The following SCHIP1 variants were observed in gnomAD, a reference collection of about 807,000 sequenced individuals.
SCHIP1 encodes schwannomin interacting protein 1.
SCHIP1 carries 8 observed loss-of-function variants against 29.7 expected under a neutral mutation model. The ratio of observed to expected loss-of-function variants is 0.27; its 90% CI spans 0.16 to 0.49. SCHIP1 has a LOEUF of 0.49. Ranked by LOEUF, SCHIP1 falls within the 20% of genes least tolerant of loss-of-function variation. The pLI is 0.99. For synonymous variants in SCHIP1, 76 were observed against 94.9 expected, an observed-to-expected ratio of 0.80 and a Z score of 1.16; for missense variants, 193 against 294.6, an observed-to-expected ratio of 0.66 and a Z score of 2.52.
At chr3:159,508,390 A>T in the SCHIP1 span, among the ~76,000 whole-genome samples, 2 of 151,688 alleles carry the variant, frequency 1.3e-5, no homozygotes, top group African/African-American at 4.9e-5. Context: ...GTGGTCTATA[A>T]ATTTTGTTGA....
the SCHIP1 span, among the ~76,000 whole-genome samples, chr3:159,791,727 T>C: frequency 2.0e-5 from 3 of 152,212 alleles, no homozygotes; most frequent in African/African-American, 7.2e-5. Context: ...CCCTCTTCCT[T>C]GTTGGCCTTT....
At chr3:159,686,577 A>G in the SCHIP1 span, among the ~76,000 whole-genome samples, 1 of 152,226 alleles carries the variant, frequency 6.6e-6, no homozygotes, top group Admixed American at 6.5e-5. Flanking sequence ...TGTTTATTAT[A>G]TTGAAAGGAA....
At chr3:159,642,297 G>A in the SCHIP1 span, among the ~76,000 whole-genome samples, 1 of 152,000 alleles carries the variant, frequency 6.6e-6, no homozygotes, top group African/African-American at 2.4e-5. Context: ...CTTGATCTAA[G>A]TATGTATGAC....
the SCHIP1 span, among the ~76,000 whole-genome samples, chr3:159,806,336 GTTC>G: frequency 1.3e-5 from 2 of 152,182 alleles, no homozygotes; most frequent in Admixed American, 6.5e-5. Flanking sequence ...GTTAGAATGG[GTTC>G]TTCTTTGGTC....
At chr3:159,884,252 C>A (rs1716732618) in intron 2 of SCHIP1, among the ~76,000 whole-genome samples, 1 of 151,654 alleles carries the variant, frequency 6.6e-6, no homozygotes, top group South Asian at 2.1e-4. Context: ...TTTTTTTAGA[C>A]CGACAGACAT....
the SCHIP1 span, among the ~76,000 whole-genome samples, chr3:159,359,096 T>G: frequency 6.6e-6 from 1 of 151,648 alleles, no homozygotes; most frequent in Non-Finnish European, 1.5e-5. Context: ...CCCAGCTAAT[T>G]TTTTGTATTT....
chr3:159,608,425 T>G, the SCHIP1 span, among the ~76,000 whole-genome samples: 11 of 152,258 alleles, frequency 7.2e-5, no homozygotes, highest in African/African-American at 2.2e-4. Flanking sequence ...ACTATTACAA[T>G]TTTTGGACTA....
chr3:159,759,541 C>G, the SCHIP1 span, among the ~76,000 whole-genome samples: 3 of 152,202 alleles, frequency 2.0e-5, no homozygotes, highest in African/African-American at 7.2e-5. Flanking sequence ...TTGCCAAACA[C>G]TGTGATCAAG....
At chr3:159,435,726 G>C in the SCHIP1 span, among the ~76,000 whole-genome samples, 1 of 152,128 alleles carries the variant, frequency 6.6e-6, no homozygotes, top group Non-Finnish European at 1.5e-5. Flanking sequence ...TTTGTGTTCA[G>C]TTGTGCTCTT....
chr3:159,359,436 G>A, the SCHIP1 span, among the ~76,000 whole-genome samples: 6 of 151,950 alleles, frequency 3.9e-5, no homozygotes, highest in Admixed American at 3.9e-4. Flanking sequence ...TTGGATTCCT[G>A]AGTCTTTATT....
the SCHIP1 span, among the ~76,000 whole-genome samples, chr3:159,695,881 C>T: frequency 6.6e-6 from 1 of 152,136 alleles, no homozygotes; most frequent in Non-Finnish European, 1.5e-5. Context: ...TAACCTTCCT[C>T]ATCCACTCCT....
chr3:159,325,598 T>A, the SCHIP1 span, among the ~76,000 whole-genome samples: 3 of 152,116 alleles, frequency 2.0e-5, no homozygotes, highest in African/African-American at 7.2e-5. Context: ...GTGTTTGTAA[T>A]AAATACATCA....
At chr3:159,349,295 T>C in the SCHIP1 span, among the ~76,000 whole-genome samples, 2 of 152,226 alleles carry the variant, frequency 1.3e-5, no homozygotes, top group East Asian at 1.9e-4. Context: ...TATGTGAGGA[T>C]AGATACTAGA....
the SCHIP1 span, among the ~76,000 whole-genome samples, chr3:159,638,253 T>G: frequency 6.6e-6 from 1 of 152,188 alleles, no homozygotes; most frequent in East Asian, 1.9e-4. Context: ...ACCTCTAAGG[T>G]CTCTCAGCTC....
At chr3:159,540,713 G>C in the SCHIP1 span, among the ~76,000 whole-genome samples, 1 of 152,058 alleles carries the variant, frequency 6.6e-6, no homozygotes, top group African/African-American at 2.4e-5. Flanking sequence ...ATAAGGTGCA[G>C]GTGTAGACAA....
At chr3:159,496,318 A>G in the SCHIP1 span, among the ~76,000 whole-genome samples, 1 of 152,244 alleles carries the variant, frequency 6.6e-6, no homozygotes, top group African/African-American at 2.4e-5. Flanking sequence ...TGAACAGGCA[A>G]CCTACGAAAT....
the SCHIP1 span, among the ~76,000 whole-genome samples, chr3:159,561,500 TACAG>T: frequency 6.6e-6 from 1 of 152,222 alleles, no homozygotes; most frequent in Non-Finnish European, 1.5e-5. Context: ...GTCATGAATA[TACAG>T]ACATTCTGCT....
chr3:159,810,145 A>G, the SCHIP1 span, among the ~76,000 whole-genome samples: 1 of 152,204 alleles, frequency 6.6e-6, no homozygotes, highest in East Asian at 1.9e-4. Flanking sequence ...TCCCGGGTTC[A>G]AGTGATTCTC....
At chr3:159,615,872 G>A in the SCHIP1 span, among the ~76,000 whole-genome samples, 1 of 152,174 alleles carries the variant, frequency 6.6e-6, no homozygotes, top group Non-Finnish European at 1.5e-5. Context: ...TACATGTGCT[G>A]GAAAAATCAA....
Sources: gnomAD v4.1 joint callset for allele counts (sites outside exome capture counted in the v4.1 genomes callset) on GRCh38, gnomAD v4.1.1 for gene constraint, MANE v1.5 for transcripts, NCBI Gene and HGNC (gene_info 2026-07-23, HGNC 2026-07-21) for gene names.